Variants in RIMS1 observed in about 807,000 individuals in gnomAD.
The protein encoded by RIMS1 is regulating synaptic membrane exocytosis protein 1.
Under a neutral mutation model 214.1 loss-of-function variants are expected in RIMS1, and 83 were observed. The ratio of observed to expected loss-of-function variants is 0.39; its 90% CI spans 0.32 to 0.47. The LOEUF (loss-of-function observed/expected upper bound fraction) is 0.47, where lower values mean the gene tolerates loss of function less well. RIMS1 is among the 20% of genes least tolerant of loss of function. The probability of loss-of-function intolerance (pLI) is 0.99; values close to 1 mark genes in which losing one functional copy is unlikely to be tolerated. For missense variants in RIMS1, 2,050 were observed against 2,161.8 expected, an observed-to-expected ratio of 0.95 and a Z score of 1.03; for synonymous variants, 793 against 786.8, an observed-to-expected ratio of 1.01 and a Z score of -0.13.
chr6:72,099,907 G>A, intron 3 of RIMS1, 68 bp from the exon 4 acceptor site: 1 of 1,263,932 alleles, frequency 7.9e-7, no homozygotes, highest in South Asian at 1.2e-5. Context: ...ATTAATACAT[G>A]GCTCAATTTT....
At chr6:72,211,989 T>A (rs1015366094) in intron 6 of RIMS1, among the ~76,000 whole-genome samples, 1 of 152,118 alleles carries the variant, frequency 6.6e-6, no homozygotes. Flanking sequence ...TTGTTACCTC[T>A]CAGATTCATT....
Position 72,182,846 on chromosome 6 carries a change from G to T in RIMS1, c.1375G>T (p.Ala459Ser). The stretch of plus-strand genomic sequence containing the variant: ...GGCGCCCAGACATGGGCCGGTTCCC[G>T]CAGAAGCCCCGGAGCTCAAAGCCCA... ...PPAPRHGPVP[A>S]EAPELKAQEP... The change falls in exon 6 of 34, where the codon GCA becomes TCA. Residue 459 changes from alanine (A) to serine (S), a missense_variant. Around this residue, in one of 6 missense-constraint regions of RIMS1, gnomAD observed 882 missense variants for 828.9 expected, o/e 1.06. Transcript: ENST00000521978. The T allele has an allele frequency of 6.4e-7, 1 of 1,554,314 alleles. No homozygotes were observed. Among genetic ancestry groups the T allele is most frequent in the Non-Finnish European group, 8.7e-7 (1 of 1,151,664 alleles).
At chr6:72,112,396 A>G (rs1023771411) in intron 4 of RIMS1, among the ~76,000 whole-genome samples, 7 of 152,072 alleles carry the variant, frequency 4.6e-5, no homozygotes, top group Non-Finnish European at 1.0e-4. Flanking sequence ...TGCCATGTAC[A>G]TCTCTGCTCA....
intron 1 of RIMS1, among the ~76,000 whole-genome samples, chr6:71,945,611 C>T (rs1318311030): frequency 6.6e-6 from 1 of 152,086 alleles, no homozygotes; most frequent in African/African-American, 2.4e-5. Context: ...AGAAACAAGA[C>T]AAGGATGCCC....
chr6:71,969,484 A>G (rs1309963966), intron 2 of RIMS1, among the ~76,000 whole-genome samples: 4 of 152,128 alleles, frequency 2.6e-5, no homozygotes, highest in African/African-American at 9.7e-5. Flanking sequence ...CCCTCAACAT[A>G]TATTATTTAA....
At chr6:71,992,408 T>TCTCTCTC (rs1562050149) in intron 2 of RIMS1, among the ~76,000 whole-genome samples, 1 of 45,304 alleles carries the variant, frequency 2.2e-5, no homozygotes, top group Non-Finnish European at 3.9e-5. Flanking sequence ...CTCTCTCTCT[T>TCTCTCTC]TCTTTCTTTC....
chr6:72,285,037 A>G (rs2091811342), intron 24 of RIMS1, among the ~76,000 whole-genome samples: 1 of 152,194 alleles, frequency 6.6e-6, no homozygotes, highest in South Asian at 2.1e-4. Context: ...AAATGGTACC[A>G]GTTTTGGGAT....
chr6:72,102,313 A>G (rs2033787452), intron 4 of RIMS1, among the ~76,000 whole-genome samples: 1 of 151,998 alleles, frequency 6.6e-6, no homozygotes, highest in Non-Finnish European at 1.5e-5. Flanking sequence ...TTTCACAAAG[A>G]AAGTGTCAGG....
intron 26 of RIMS1, among the ~76,000 whole-genome samples, chr6:72,299,751 C>A (rs913453116): frequency 6.6e-6 from 1 of 151,808 alleles, no homozygotes; most frequent in Non-Finnish European, 1.5e-5. Flanking sequence ...AAGCACATTT[C>A]AATAGCGTAC....
At position 72,402,122 on chromosome 6, in the gene RIMS1, C is replaced by T. The variant is rs529732320; in HGVS notation, c.*1408C>T. 6.6e-6 allele frequency: 1 copy of T among 151,882 alleles called. No homozygotes were observed. Among genetic ancestry groups the T allele is most frequent in the South Asian group, 2.1e-4 (1 of 4,806 alleles). The allele number at this position is 151,882 out of a possible 1,614,324, so 9.4% of individuals were successfully genotyped here. On this transcript the variant is annotated 3_prime_UTR_variant, in exon 34 of 34. Coordinates refer to ENST00000521978, the MANE Select transcript of RIMS1 (RefSeq NM_014989.7). ...TGATTACACAAATAGAGCAGCATGA[C>T]TTGGAACTGTTCAGAGCTGCATGCA...
chr6:71,991,000 T>C (rs999245126), intron 2 of RIMS1, among the ~76,000 whole-genome samples: 1 of 152,234 alleles, frequency 6.6e-6, no homozygotes, highest in Admixed American at 6.5e-5. Flanking sequence ...AACAATGCTC[T>C]AAAATATGTT....
intron 28 of RIMS1, among the ~76,000 whole-genome samples, chr6:72,315,232 A>T (rs1186623493): frequency 2.0e-5 from 3 of 152,168 alleles, no homozygotes; most frequent in Admixed American, 2.0e-4. Context: ...CAAAAGATAG[A>T]GGATTTTTTT....
chr6:71,924,488 A>C (rs1186844762), intron 1 of RIMS1, among the ~76,000 whole-genome samples: 2 of 151,730 alleles, frequency 1.3e-5, no homozygotes, highest in Non-Finnish European at 2.9e-5. Flanking sequence ...ATCTTTCTTT[A>C]TTTGTTTTAA....
chr6:71,921,170 C>T (rs1779862265), intron 1 of RIMS1, among the ~76,000 whole-genome samples: 1 of 152,024 alleles, frequency 6.6e-6, no homozygotes, highest in South Asian at 2.1e-4. Context: ...GCTCTGTCAC[C>T]CAGGCTGGAG....
chr6:72,233,860 T>C lies in RIMS1; in HGVS notation c.1746+20T>C, dbSNP rs780079235. ...AGTTCGGTAAGTTTTCTGGAAAGTG[T>C]GTTTGGAGTTTAGGGAATATGTGTG... On this transcript the variant is annotated intron_variant, in intron 7 of 33. Coordinates refer to ENST00000521978, the MANE Select transcript of RIMS1 (RefSeq NM_014989.7). 7 of 1,533,600 alleles carry C rather than the reference T, an allele frequency of 4.6e-6. No homozygotes were observed. The highest frequency in any genetic ancestry group is 6.2e-6 in the Non-Finnish European group (7 of 1,125,272). 95.0% of individuals were successfully genotyped at this position (1,533,600 alleles called of 1,614,324 possible).
rs1163070656 is a variant in RIMS1 at position 72,356,594 on chromosome 6, AC to A, written c.4366+22760del. Among the ~76,000 whole-genome samples the A allele has an allele frequency of 2.0e-5, 3 of 152,114 alleles. No individual in the cohort carries two copies. In the East Asian group the frequency reaches 5.8e-4, roughly 29 times the overall value. ...GCTAACATGATGAAACCCCATCTCT[AC>A]TAAAAATACAAAAAATTAGCTGGGT... On this transcript the variant is annotated intron_variant, in intron 29 of 33. Transcript: ENST00000521978.
chr6:72,137,527 A>C (rs185234030), intron 4 of RIMS1, among the ~76,000 whole-genome samples: 50 of 151,080 alleles, frequency 3.3e-4, no homozygotes, highest in African/African-American at 1.2e-3. Flanking sequence ...ACCTTTGCTT[A>C]TTTTTCTATT....
At position 72,105,097 on chromosome 6, in the gene RIMS1, A is replaced by AT. The variant is rs199515623; in HGVS notation, c.471+5120dup. Among the ~76,000 whole-genome samples, 1,113 of 151,572 alleles carry AT rather than the reference A, an allele frequency of 7.3e-3. 12 individuals carry two copies. The highest frequency in any genetic ancestry group is 0.026 in the African/African-American group (1,061 of 41,286). On this transcript the variant is annotated intron_variant, in intron 4 of 33. Coordinates refer to ENST00000521978, the MANE Select transcript of RIMS1 (RefSeq NM_014989.7). Reference sequence around the variant, plus strand: ...AGGTGTGTCTGGCTAATTAAAAAAAATTTTTTTTTAAATTTTTGTAGTTAT... The same window carrying AT: ...AGGTGTGTCTGGCTAATTAAAAAAAATTTTTTTTTTAAATTTTTGTAGTTAT...
intron 26 of RIMS1, among the ~76,000 whole-genome samples, chr6:72,297,549 T>C (rs540972974): frequency 1.3e-5 from 2 of 152,142 alleles, no homozygotes; most frequent in African/African-American, 4.8e-5. Flanking sequence ...AGGGCCTCTG[T>C]GCAGAACATG....
Sources: allele counts gnomAD v4.1 joint callset (sites outside exome capture counted in the v4.1 genomes callset), GRCh38; gene constraint gnomAD v4.1.1; regional missense constraint gnomAD v4.1.1; transcripts MANE v1.5; gene names NCBI Gene and HGNC (gene_info 2026-07-23, HGNC 2026-07-21).